Variants in RGS6 observed in about 807,000 individuals in gnomAD.
RGS6 encodes the protein regulator of G-protein signaling 6.
Under a neutral mutation model 78.5 loss-of-function variants are expected in RGS6, and 30 were observed. The ratio of observed to expected loss-of-function variants is 0.38; its 90% CI spans 0.29 to 0.52. The LOEUF is 0.52. Among genes scored for constraint, RGS6 ranks in the 20% least tolerant of loss-of-function variants. The pLI is 0.85. For missense variants in RGS6, 495 were observed against 609.7 expected (o/e 0.81, Z 1.98); for synonymous variants, 206 against 206.0 (o/e 1.00, Z 0.00).
intron 17 of RGS6, among the ~76,000 whole-genome samples, chr14:72,550,139 T>G (rs2097482335): frequency 6.6e-6 from 1 of 152,240 alleles, no homozygotes. Flanking sequence ...CCTCTCCATC[T>G]TTTGCTTTCA....
chr14:72,600,051 T>C, the RGS6 span, among the ~76,000 whole-genome samples: 3 of 152,036 alleles, frequency 2.0e-5, no homozygotes, highest in Admixed American at 6.5e-5. Context: ...GTGGTTGTCA[T>C]TGTGTCATTG....
At chr14:72,379,573 CT>C (rs973790602) in intron 3 of RGS6, among the ~76,000 whole-genome samples, 17 of 151,824 alleles carry the variant, frequency 1.1e-4, no homozygotes, top group African/African-American at 3.9e-4. Flanking sequence ...GGCAATCCTA[CT>C]TACAATAGTT....
chr14:72,591,919 T>G, the RGS6 span, among the ~76,000 whole-genome samples: 1 of 152,172 alleles, frequency 6.6e-6, no homozygotes, highest in South Asian at 2.1e-4. Context: ...TTCTCCCGTC[T>G]CCTCAATAGC....
intron 2 of RGS6, among the ~76,000 whole-genome samples, chr14:72,314,239 C>T (rs981955193): frequency 2.0e-5 from 3 of 152,240 alleles, no homozygotes; most frequent in Non-Finnish European, 2.9e-5. Flanking sequence ...GGCAGACCAC[C>T]GCCTCAGGGG....
chr14:72,233,723 A>G (rs1055862963), intron 2 of RGS6, among the ~76,000 whole-genome samples: 1 of 152,198 alleles, frequency 6.6e-6, no homozygotes, highest in South Asian at 2.1e-4. Flanking sequence ...CCATGGTTTC[A>G]CAATTAGCTA....
At chr14:71,968,815 T>C (rs1217210549) in intron 2 of RGS6, among the ~76,000 whole-genome samples, 1 of 152,226 alleles carries the variant, frequency 6.6e-6, no homozygotes, top group African/African-American at 2.4e-5. Context: ...TGGATTAATG[T>C]CTCACTTTTT....
chr14:72,476,878 G>T (rs376357266), intron 11 of RGS6, 38 bp downstream of exon 11: 10 of 1,563,676 alleles, frequency 6.4e-6, no homozygotes, highest in Non-Finnish European at 8.8e-6. Flanking sequence ...AGGAGGAGAC[G>T]TGGCCAGTTT....
At chr14:71,901,804 G>A in the RGS6 span, among the ~76,000 whole-genome samples, 15 of 151,978 alleles carry the variant, frequency 9.9e-5, no homozygotes, top group Non-Finnish European at 2.1e-4. Context: ...TATACTTGTT[G>A]GTCATTGGGT....
intron 3 of RGS6, among the ~76,000 whole-genome samples, chr14:72,393,389 T>C (rs562185776): frequency 6.6e-6 from 1 of 152,116 alleles, no homozygotes; most frequent in Non-Finnish European, 1.5e-5. Context: ...TGCCCAGAGA[T>C]TTTTAGGGTG....
At chr14:71,901,221 T>C in the RGS6 span, among the ~76,000 whole-genome samples, 3,265 of 152,312 alleles carry the variant, frequency 0.021, 126 homozygotes, top group African/African-American at 0.073. Context: ...ACTGATGAGT[T>C]TCCCAAATAA....
At chr14:71,884,957 C>T in the RGS6 span, among the ~76,000 whole-genome samples, 1 of 152,144 alleles carries the variant, frequency 6.6e-6, no homozygotes, top group African/African-American at 2.4e-5. Context: ...ATTTTGTGCC[C>T]TGAATGCCTC....
chr14:72,347,841 TATAC>T (rs1566587300), intron 2 of RGS6, among the ~76,000 whole-genome samples: 1 of 152,164 alleles, frequency 6.6e-6, no homozygotes, highest in Non-Finnish European at 1.5e-5. Flanking sequence ...TAAAATAAAT[TATAC>T]TCATTGTCCA....
chr14:72,001,471 AACAC>A (rs3053057), intron 2 of RGS6, among the ~76,000 whole-genome samples: 2,672 of 145,996 alleles, frequency 0.018, 42 homozygotes, highest in East Asian at 0.039. Flanking sequence ...ATAAAAACAG[AACAC>A]ACACACACAC....
intron 2 of RGS6, among the ~76,000 whole-genome samples, chr14:72,314,082 T>A (rs1349392273): frequency 6.6e-6 from 1 of 152,216 alleles, no homozygotes; most frequent in Admixed American, 6.5e-5. Flanking sequence ...TTCTTCATTT[T>A]ATAGAGAAGG....
intron 17 of RGS6, among the ~76,000 whole-genome samples, chr14:72,555,491 C>A (rs993046886): frequency 3.3e-5 from 5 of 152,200 alleles, no homozygotes; most frequent in Non-Finnish European, 5.9e-5. Context: ...AACTTAAGTT[C>A]TTTTCTCAGG....
At chr14:72,039,574 T>G (rs2092156225) in intron 2 of RGS6, among the ~76,000 whole-genome samples, 1 of 152,170 alleles carries the variant, frequency 6.6e-6, no homozygotes, top group Non-Finnish European at 1.5e-5. Context: ...TCAGCTTATG[T>G]GTGCCATTAT....
chr14:72,172,012 C>G (rs1178083586), intron 2 of RGS6, among the ~76,000 whole-genome samples: 1 of 152,176 alleles, frequency 6.6e-6, no homozygotes, highest in African/African-American at 2.4e-5. Context: ...GCCTCTTGGT[C>G]ATTCCCTAAG....
rs144949454 is a variant in RGS6 at position 72,499,432 on chromosome 14, A to G, written c.965+4170A>G. On this transcript the variant is annotated intron_variant, in intron 13 of 17. Transcript: ENST00000553525. Reference sequence around the variant, plus strand: ...TTGTCTGATGCCACCCACTGCCTCCACTTCCAATCCTGCTGCTCAGAGCTC... The same window carrying G: ...TTGTCTGATGCCACCCACTGCCTCCGCTTCCAATCCTGCTGCTCAGAGCTC... Among the ~76,000 whole-genome samples, 266 of 152,068 alleles carry G rather than the reference A, an allele frequency of 1.7e-3. 2 individuals carry two copies. The highest frequency in any genetic ancestry group is 6.2e-3 in the African/African-American group (258 of 41,456).
intron 2 of RGS6, among the ~76,000 whole-genome samples, chr14:72,059,911 C>T (rs1333795187): frequency 6.6e-6 from 1 of 152,180 alleles, no homozygotes; most frequent in Non-Finnish European, 1.5e-5. Context: ...GTTTAAGCCC[C>T]TCAGTCTGTG....
Sources: allele counts gnomAD v4.1 joint callset (sites outside exome capture counted in the v4.1 genomes callset), GRCh38; gene constraint gnomAD v4.1.1; transcripts MANE v1.5; gene names NCBI Gene and HGNC (gene_info 2026-07-23, HGNC 2026-07-21).